Variants in ACACB observed in about 807,000 individuals in gnomAD.
The protein encoded by ACACB is acetyl-CoA carboxylase 2.
Under a neutral mutation model 278.8 loss-of-function variants are expected in ACACB, and 209 were observed. That is an observed-to-expected ratio of 0.75 (90% CI 0.67 to 0.84). The LOEUF (loss-of-function observed/expected upper bound fraction) is 0.84. ACACB is among the 40% of genes least tolerant of loss of function. ACACB has a pLI of 0.00. For synonymous variants in ACACB, 1,174 were observed against 1,285.6 expected (o/e 0.91, Z 1.86); for missense variants, 2,850 against 3,269.0 (o/e 0.87, Z 3.13).
At position 109,242,459 on chromosome 12, in the gene ACACB, A is replaced by G. The variant is rs1286114860; in HGVS notation, c.5045A>G (p.Asn1682Ser). ...SGNIMFHSFG[N>S]KQGPQHGMLI... Reference sequence around the variant, plus strand: ...CAGATCATGTTTCACTCCTTCGGCAACAAGCAAGGGCCCCAGCACGGGATG... The same window carrying G: ...CAGATCATGTTTCACTCCTTCGGCAGCAAGCAAGGGCCCCAGCACGGGATG... The change falls in exon 37 of 53, where the codon AAC becomes AGC. Residue 1682 changes from asparagine to serine, a missense_variant. Physicochemically the swap from Asn to Ser is conservative, Grantham distance 46. Coordinates refer to ENST00000338432, the MANE Select transcript of ACACB (RefSeq NM_001093.4). The G allele has an allele frequency of 2.5e-6, 4 of 1,613,856 alleles. No homozygotes were observed. Among genetic ancestry groups the G allele is most frequent in the Non-Finnish European group, 2.5e-6 (3 of 1,179,838 alleles).
chr12:109,165,008 C>T (rs1331201000), intron 2 of ACACB, among the ~76,000 whole-genome samples: 3 of 152,052 alleles, frequency 2.0e-5, no homozygotes, highest in Admixed American at 1.3e-4. Flanking sequence ...AGGGAGTCTC[C>T]AGGGTGATGG....
At chr12:109,188,663 T>A (rs2044758421) in intron 13 of ACACB, among the ~76,000 whole-genome samples, 1 of 151,988 alleles carries the variant, frequency 6.6e-6, no homozygotes, top group African/African-American at 2.4e-5. Flanking sequence ...GTAGGCCCCA[T>A]TTAAAATACC....
chr12:109,196,204 T>G (rs2045122819), intron 16 of ACACB, among the ~76,000 whole-genome samples: 1 of 152,166 alleles, frequency 6.6e-6, no homozygotes, highest in Admixed American at 6.6e-5. Flanking sequence ...TGGCTGTGTC[T>G]CTCTCACGTG....
chr12:109,187,884 A>C, intron 12 of ACACB, 115 bp from the exon 13 acceptor site: 1 of 1,164,272 alleles, frequency 8.6e-7, no homozygotes, highest in East Asian at 2.6e-5. Context: ...TCTATTGACT[A>C]CCCTAAGCTT....
intron 18 of ACACB, among the ~76,000 whole-genome samples, chr12:109,201,157 G>A (rs1593540425): frequency 6.6e-6 from 1 of 152,358 alleles, no homozygotes; most frequent in Middle Eastern, 3.4e-3. Flanking sequence ...TGTTCCCTGA[G>A]GGTTTTCTAA....
At chr12:109,140,890 CTT>C (rs386377714) in intron 2 of ACACB, among the ~76,000 whole-genome samples, 12 of 86,754 alleles carry the variant, frequency 1.4e-4, no homozygotes, top group Non-Finnish European at 2.8e-4. Context: ...TTCATTCATT[CTT>C]TTTTTTTTTT....
chr12:109,257,635 A>T (rs1328214127), intron 45 of ACACB, among the ~76,000 whole-genome samples: 1 of 152,156 alleles, frequency 6.6e-6, no homozygotes, highest in African/African-American at 2.4e-5. Flanking sequence ...CAGAGGCATG[A>T]TCGCTGTTCA....
intron 6 of ACACB, among the ~76,000 whole-genome samples, chr12:109,173,456 C>A (rs2044182903): frequency 6.6e-6 from 1 of 152,176 alleles, no homozygotes; most frequent in Non-Finnish European, 1.5e-5. Context: ...AGCCGGGAGT[C>A]CCATGCCCAT....
chr12:109,243,568 T>C (rs1338948525), intron 37 of ACACB, among the ~76,000 whole-genome samples: 2 of 152,140 alleles, frequency 1.3e-5, no homozygotes, highest in Non-Finnish European at 2.9e-5. Context: ...CACTGCACTC[T>C]AGCCCTGGTG....
intron 2 of ACACB, among the ~76,000 whole-genome samples, chr12:109,140,486 G>A (rs898656466): frequency 1.3e-5 from 2 of 152,220 alleles, no homozygotes; most frequent in South Asian, 2.1e-4. Flanking sequence ...GTGAAACTCC[G>A]TTTCTACTAA....
At chr12:109,235,690 G>T in intron 33 of ACACB, 43 bp downstream of exon 33, 3 of 1,570,088 alleles carry the variant, frequency 1.9e-6, no homozygotes, top group Non-Finnish European at 2.6e-6. Context: ...CTAGCATCTT[G>T]TTTTATTTTT....
rs568736672 is a variant in ACACB, at chr12:109,265,641, G to T, written c.7250+116G>T. The T allele has an allele frequency of 3.3e-5, 44 of 1,330,952 alleles. No individual in the cohort carries two copies. The African/African-American group carries it at 5.6e-4, about 17-fold the overall frequency. 82.4% of individuals were successfully genotyped at this position (1,330,952 alleles called of 1,614,324 possible). A position where few individuals can be genotyped will look rare whatever the true frequency, so the allele number is the denominator to read the frequency against. Reference sequence around the variant, plus strand: ...GAACCCGCCACCCTGTGCAGTCTGGGGTTGTCCCCGCCCCCTCCCCGCTCC... The same window carrying T: ...GAACCCGCCACCCTGTGCAGTCTGGTGTTGTCCCCGCCCCCTCCCCGCTCC... On this transcript the variant is annotated intron_variant, in intron 52 of 52. Transcript: ENST00000338432.
chr12:109,204,455 A>G (rs1006186038), intron 19 of ACACB, among the ~76,000 whole-genome samples: 8 of 151,784 alleles, frequency 5.3e-5, no homozygotes, highest in Admixed American at 2.0e-4. Context: ...TTGTATTTTT[A>G]GTAGAGATGG....
chr12:109,188,124 C>G lies in ACACB; in HGVS notation c.2106C>G (p.His702Gln). 1 of 1,611,638 alleles carries G rather than the reference C, an allele frequency of 6.2e-7. No homozygotes were observed. Among genetic ancestry groups the G allele is most frequent in the Non-Finnish European group, 8.5e-7 (1 of 1,177,952 alleles). Residue 702 changes from histidine (H) to glutamine (Q), a missense_variant, in exon 13 of 53, where the codon CAC becomes CAG. Physicochemically the swap from His to Gln is conservative, Grantham distance 24 (BLOSUM62 0). This residue lies in a region of ACACB where 2,265 missense variants were observed against 2,561.3 expected (regional missense o/e 0.88). Transcript: ENST00000338432. ...LHEFADSQFGHCFSWGENREE... is the reference protein window; with the variant it reads ...LHEFADSQFGQCFSWGENREE... ...AGTTTGCGGATTCCCAATTTGGGCACTGCTTCTCCTGGGGAGAGAACCGGG... is the reference window on the plus strand; with the variant it reads ...AGTTTGCGGATTCCCAATTTGGGCAGTGCTTCTCCTGGGGAGAGAACCGGG...
chr12:109,172,413 T>G, intron 6 of ACACB, 57 bp downstream of exon 6: 1 of 1,524,560 alleles, frequency 6.6e-7, no homozygotes, highest in Admixed American at 1.7e-5. Context: ...GACACTCTGC[T>G]GGGTCTGACC....
chr12:109,258,884 G>A (rs2047302530), intron 46 of ACACB, 89 bp from the exon 47 acceptor site: 1 of 1,526,706 alleles, frequency 6.6e-7, no homozygotes, highest in East Asian at 2.3e-5. Flanking sequence ...CAGATCGCCT[G>A]CCATCCAGAG....
chr12:109,234,602 G>A (rs1307206457), intron 31 of ACACB, among the ~76,000 whole-genome samples: 2 of 152,174 alleles, frequency 1.3e-5, no homozygotes, highest in Non-Finnish European at 2.9e-5. Flanking sequence ...CCCATTTAAA[G>A]TGTGCAGTTT....
Position 109,201,650 on chromosome 12 carries a change from A to C in ACACB, c.2862A>C (p.Ala954=). 1 of 1,614,210 alleles carries C rather than the reference A, an allele frequency of 6.2e-7. No homozygotes were observed. Among genetic ancestry groups the C allele is most frequent in the Non-Finnish European group, 8.5e-7 (1 of 1,180,040 alleles). ...YIKRPGAVLE[A]GCVVARLELD... The stretch of plus-strand genomic sequence containing the variant: ...AGCGTCCAGGTGCCGTGCTGGAAGC[A>C]GGCTGCGTGGTGGCCAGGCTGGAGC... The change falls in exon 19 of 53, where the codon GCA becomes GCC. Residue 954 remains alanine, a synonymous_variant. Transcript: ENST00000338432.
chr12:109,240,109 C>A, intron 35 of ACACB, 124 bp downstream of exon 35: 1 of 1,162,724 alleles, frequency 8.6e-7, no homozygotes. Flanking sequence ...CGTATCTGAG[C>A]CTCAGTTGCT....
Sources: gnomAD v4.1 joint callset for allele counts (sites outside exome capture counted in the v4.1 genomes callset) on GRCh38, gnomAD v4.1.1 for gene constraint, gnomAD v4.1.1 regional missense constraint, MANE v1.5 for transcripts, NCBI Gene and HGNC (gene_info 2026-07-23, HGNC 2026-07-21) for gene names.